The following MET variants were observed in gnomAD, a reference collection of about 807,000 sequenced individuals.
The protein encoded by MET is hepatocyte growth factor receptor.
In MET, 48 loss-of-function variants were observed where a neutral mutation model predicts 133.1. That is an observed-to-expected ratio of 0.36 (90% CI 0.29 to 0.46). The LOEUF (loss-of-function observed/expected upper bound fraction) is 0.46, where lower values mean the gene tolerates loss of function less well. MET is among the 20% of genes least tolerant of loss of function. The pLI is 1.00. For missense variants in MET, 1,442 were observed against 1,695.9 expected (o/e 0.85, Z 2.63); for synonymous variants, 628 against 616.5 (o/e 1.02, Z -0.28).
intron 3 of MET, among the ~76,000 whole-genome samples, chr7:116,737,413 C>T (rs778629511): frequency 2.0e-4 from 30 of 152,148 alleles, no homozygotes; most frequent in Non-Finnish European, 3.7e-4. Flanking sequence ...CTTTTACTCA[C>T]GAGTGGCTCT....
chr7:116,773,009 G>A (rs1464243770), intron 14 of MET, among the ~76,000 whole-genome samples: 1 of 151,782 alleles, frequency 6.6e-6, no homozygotes, highest in Non-Finnish European at 1.5e-5. Context: ...CATCTATTTA[G>A]TATTTTATAT....
At chr7:116,740,463 A>G (rs1268314646) in intron 4 of MET, among the ~76,000 whole-genome samples, 2 of 152,234 alleles carry the variant, frequency 1.3e-5, no homozygotes, top group Non-Finnish European at 2.9e-5. Flanking sequence ...GTGCATCTTG[A>G]TGCCAGAATG....
chr7:116,753,123 G>A (rs1368314422), intron 5 of MET, among the ~76,000 whole-genome samples: 4 of 152,176 alleles, frequency 2.6e-5, no homozygotes, highest in Non-Finnish European at 1.5e-5. Flanking sequence ...ACTTTAAAGG[G>A]GTTTGATAAC....
intron 2 of MET, among the ~76,000 whole-genome samples, chr7:116,714,062 C>G (rs1050005124): frequency 1.3e-5 from 2 of 152,176 alleles, no homozygotes; most frequent in Non-Finnish European, 2.9e-5. Context: ...GCATTAAAAC[C>G]TTCCTAACTT....
intron 4 of MET, 168 bp downstream of exon 4, chr7:116,740,252 TG>T: frequency 1.2e-6 from 1 of 809,964 alleles, no homozygotes; most frequent in Non-Finnish European, 2.0e-6. Context: ...CTAGTTAATT[TG>T]TTCTCCAAGA....
chr7:116,763,351 T>C lies in MET; in HGVS notation c.2583+83T>C, dbSNP rs776086725. ...AGCTATGTGAATACAATTGTTGTAC[T>C]TGGCCATTGTATCTTATACAACACC... On this transcript the variant is annotated intron_variant, in intron 11 of 20. Coordinates refer to ENST00000397752, the MANE Select transcript of MET (RefSeq NM_000245.4). 4.8e-6 allele frequency: 6 copies of C among 1,253,326 alleles called. No individual in the cohort carries two copies. The African/African-American group carries it at 7.5e-5, about 16-fold the overall frequency. The allele number at this position is 1,253,326 out of a possible 1,614,324, so 77.6% of individuals were successfully genotyped here. A position where few individuals can be genotyped will look rare whatever the true frequency, so the allele number is the denominator to read the frequency against.
rs371820499 is a variant in MET at position 116,688,712 on chromosome 7, G to A, written c.-14-10359G>A. 3.0e-4 allele frequency among the ~76,000 whole-genome samples: 46 copies of A among 152,258 alleles called. No homozygotes were observed. The East Asian group carries it at 8.1e-3, about 27-fold the overall frequency. On this transcript the variant is annotated intron_variant, in intron 1 of 20. Coordinates refer to ENST00000397752, the MANE Select transcript of MET (RefSeq NM_000245.4). ...AAAGGATAATCTTGAGGATATAATG[G>A]CATTCTATTCTTTTTATCTTTACTC...
intron 19 of MET, among the ~76,000 whole-genome samples, chr7:116,789,184 C>T (rs1795408301): frequency 6.6e-6 from 1 of 152,142 alleles, no homozygotes; most frequent in Non-Finnish European, 1.5e-5. Flanking sequence ...TCAATGGCTT[C>T]TCTTCCTTCT....
intron 2 of MET, among the ~76,000 whole-genome samples, chr7:116,708,271 C>A (rs933421721): frequency 1.4e-4 from 22 of 152,132 alleles, no homozygotes; most frequent in African/African-American, 4.8e-4. Context: ...GAGGTGAAAG[C>A]TAACCTTTAT....
intron 1 of MET, among the ~76,000 whole-genome samples, chr7:116,696,253 A>G (rs939288109): frequency 6.6e-6 from 1 of 152,062 alleles, no homozygotes; most frequent in Non-Finnish European, 1.5e-5. Flanking sequence ...CTGCATTCTG[A>G]TAACTGTTAA....
intron 17 of MET, among the ~76,000 whole-genome samples, chr7:116,781,690 C>G (rs998813064): frequency 1.3e-5 from 2 of 152,146 alleles, no homozygotes; most frequent in Non-Finnish European, 2.9e-5. Flanking sequence ...TCCTCAGACT[C>G]CTAAGCAGCT....
At chr7:116,723,498 C>T (rs1446546769) in intron 2 of MET, among the ~76,000 whole-genome samples, 1 of 152,242 alleles carries the variant, frequency 6.6e-6, no homozygotes, top group South Asian at 2.1e-4. Flanking sequence ...AGTCATTCTC[C>T]ATCCAGCTTT....
At chr7:116,680,708 A>G (rs184439568) in intron 1 of MET, among the ~76,000 whole-genome samples, 200 of 152,242 alleles carry the variant, frequency 1.3e-3, no homozygotes, top group African/African-American at 4.6e-3. Flanking sequence ...TTAGGAGGCC[A>G]AGGTGGGTGG....
chr7:116,679,193 A>C (rs1796263678), intron 1 of MET, among the ~76,000 whole-genome samples: 1 of 152,190 alleles, frequency 6.6e-6, no homozygotes, highest in Non-Finnish European at 1.5e-5. Context: ...GTACTCAGTA[A>C]GTATTTTGTA....
rs542402158 is a variant in MET at position 116,724,133 on chromosome 7, G to A, written c.1201-7535G>A. 303 of 174,658 alleles carry A rather than the reference G, an allele frequency of 1.7e-3. 2 individuals carry two copies. The highest frequency in any genetic ancestry group is 6.3e-3 in the African/African-American group (262 of 41,780). The allele number at this position is 174,658 out of a possible 1,614,324, so 10.8% of individuals were successfully genotyped here. ...CAGACTGCTGTGCTAGCAATCAGCG[G>A]GACTCCGTGGGCGTAGGACCCTCCG... On this transcript the variant is annotated intron_variant, in intron 2 of 20. Transcript: ENST00000397752.
At chr7:116,706,806 G>A (rs1791811668) in intron 2 of MET, among the ~76,000 whole-genome samples, 1 of 151,916 alleles carries the variant, frequency 6.6e-6, no homozygotes, top group Non-Finnish European at 1.5e-5. Context: ...CAGCGTCCAG[G>A]GAGGACTGTA....
chr7:116,675,718 GT>G (rs1796133654), intron 1 of MET, among the ~76,000 whole-genome samples: 1 of 151,368 alleles, frequency 6.6e-6, no homozygotes, highest in South Asian at 2.1e-4. Context: ...AGTCCCTGGA[GT>G]TTTTGTCACC....
chr7:116,683,673 G>T (rs947252044), intron 1 of MET, among the ~76,000 whole-genome samples: 5 of 152,138 alleles, frequency 3.3e-5, no homozygotes, highest in African/African-American at 1.2e-4. Flanking sequence ...GCCCAAGAAA[G>T]TGTCCTCATT....
chr7:116,786,891 C>A (rs1283410383), intron 19 of MET, among the ~76,000 whole-genome samples: 2 of 152,178 alleles, frequency 1.3e-5, no homozygotes, highest in Non-Finnish European at 2.9e-5. Context: ...GTCATCTCAT[C>A]CACCTCTCTG....
Sources: gnomAD v4.1 joint callset for allele counts (sites outside exome capture counted in the v4.1 genomes callset) on GRCh38, gnomAD v4.1.1 for gene constraint, MANE v1.5 for transcripts, NCBI Gene and HGNC (gene_info 2026-07-23, HGNC 2026-07-21) for gene names.